The following SLC25A48 variants were observed in gnomAD, a reference collection of about 807,000 sequenced individuals.
The protein encoded by SLC25A48 is CTC-321K16.1.
Under a neutral mutation model 32.2 loss-of-function variants are expected in SLC25A48, and 29 were observed. The ratio of observed to expected loss-of-function variants is 0.90; its 90% CI spans 0.67 to 1.23. The LOEUF is 1.23. Ranked by LOEUF, SLC25A48 falls within the 50% of genes most tolerant of loss-of-function variation. The probability of loss-of-function intolerance (pLI) is 0.00; values close to 1 mark genes in which losing one functional copy is unlikely to be tolerated. For synonymous variants in SLC25A48, 164 were observed against 172.3 expected (o/e 0.95, Z 0.38); for missense variants, 399 against 422.7 (o/e 0.94, Z 0.49).
intron 6 of SLC25A48, among the ~76,000 whole-genome samples, chr5:135,877,832 G>C (rs931063915): frequency 6.6e-6 from 1 of 152,162 alleles, no homozygotes; most frequent in Non-Finnish European, 1.5e-5. Context: ...GGTGGCCATG[G>C]GGACACTGCC....
At chr5:135,607,398 C>T (rs887025117) in intron 1 of SLC25A48, among the ~76,000 whole-genome samples, 9 of 152,188 alleles carry the variant, frequency 5.9e-5, no homozygotes, top group Non-Finnish European at 1.0e-4. Context: ...TCCATGTGTG[C>T]ACGCATTCAT....
chr5:135,612,016 C>G (rs1752083289), intron 1 of SLC25A48, among the ~76,000 whole-genome samples: 1 of 152,202 alleles, frequency 6.6e-6, no homozygotes, highest in Non-Finnish European at 1.5e-5. Context: ...GGTGCCCAGG[C>G]AACATGAACG....
At chr5:135,868,162 C>CA (rs974969252) in intron 4 of SLC25A48, among the ~76,000 whole-genome samples, 6 of 151,892 alleles carry the variant, frequency 4.0e-5, no homozygotes, top group African/African-American at 1.5e-4. Context: ...GACAAACTGA[C>CA]AAAAAACAAA....
At position 135,724,507 on chromosome 5, in the gene SLC25A48, A is replaced by G. The variant is rs556912174; in HGVS notation, c.-520-88016A>G. Among the ~76,000 whole-genome samples, 20 of 152,338 alleles carry G rather than the reference A, an allele frequency of 1.3e-4. No homozygotes were observed. In the South Asian group the frequency reaches 3.5e-3, roughly 27 times the overall value. On this transcript the variant is annotated intron_variant, in intron 3 of 10. Coordinates refer to the SLC25A48 transcript ENST00000646290. Reference sequence around the variant, plus strand: ...GCTAAGCCCAAGGTGCCTTCCCCACAGTGCGTCTCTCTTTGGGTAGAAAAG... The same window carrying G: ...GCTAAGCCCAAGGTGCCTTCCCCACGGTGCGTCTCTCTTTGGGTAGAAAAG...
upstream of SLC25A48, among the ~76,000 whole-genome samples, chr5:135,834,434 C>T (rs12522445): frequency 0.19 from 28,865 of 152,234 alleles, 2,904 homozygotes; most frequent in Middle Eastern, 0.25. Context: ...CAGGGAGATA[C>T]GCGCATTGCC....
intron 3 of SLC25A48, among the ~76,000 whole-genome samples, chr5:135,811,892 G>A (rs1757596609): frequency 6.6e-6 from 1 of 152,110 alleles, no homozygotes; most frequent in Non-Finnish European, 1.5e-5. Context: ...GACCAGCCTG[G>A]CCAACATGGT....
intron 1 of SLC25A48, among the ~76,000 whole-genome samples, chr5:135,615,135 T>C (rs1272709853): frequency 6.6e-6 from 1 of 152,204 alleles, no homozygotes; most frequent in Non-Finnish European, 1.5e-5. Flanking sequence ...TATAGAAAAT[T>C]GGTACTGAGA....
At chr5:135,716,818 C>T (rs974094360) in intron 3 of SLC25A48, among the ~76,000 whole-genome samples, 44 of 152,222 alleles carry the variant, frequency 2.9e-4, no homozygotes, top group Admixed American at 2.9e-3. Context: ...CCACTCATCC[C>T]CAGCTCCGGC....
intron 3 of SLC25A48, among the ~76,000 whole-genome samples, chr5:135,756,112 T>G (rs7727618): frequency 0.41 from 61,524 of 151,820 alleles, 14,319 homozygotes; most frequent in Non-Finnish European, 0.52. Context: ...CACTATGGTA[T>G]TAATGAAATA....
At chr5:135,684,041 T>C (rs1561789389) in intron 3 of SLC25A48, among the ~76,000 whole-genome samples, 2 of 152,236 alleles carry the variant, frequency 1.3e-5, no homozygotes, top group African/African-American at 4.8e-5. Flanking sequence ...TCGGTTTTCT[T>C]GAACATCTTC....
At chr5:135,791,717 T>A (rs1757035560) in intron 3 of SLC25A48, among the ~76,000 whole-genome samples, 1 of 151,634 alleles carries the variant, frequency 6.6e-6, no homozygotes, top group Non-Finnish European at 1.5e-5. Context: ...CACTGTGATA[T>A]TATTGGTAAC....
chr5:135,744,333 A>G (rs1755584236), intron 3 of SLC25A48, among the ~76,000 whole-genome samples: 1 of 150,618 alleles, frequency 6.6e-6, no homozygotes, highest in African/African-American at 2.4e-5. Flanking sequence ...TGGATTGACA[A>G]GGTAACTATT....
Position 135,626,627 on chromosome 5 carries a change from T to G in SLC25A48, c.-848-2610T>G, listed in dbSNP as rs1037043817. The stretch of plus-strand genomic sequence containing the variant: ...GCAAAGCAGGCTTCCTAATTCCTCT[T>G]TAATGTGGACAAACCACTTCGGTGC... On this transcript the variant is annotated intron_variant, in intron 1 of 10. Transcript: ENST00000646290. Among the ~76,000 whole-genome samples the G allele has an allele frequency of 8.5e-5, 13 of 152,200 alleles. 1 individual carries two copies. The highest frequency in any genetic ancestry group is 3.1e-4 in the African/African-American group (13 of 41,448).
chr5:135,833,858 A>G (rs1758305418), upstream of SLC25A48, among the ~76,000 whole-genome samples: 1 of 152,146 alleles, frequency 6.6e-6, no homozygotes, highest in African/African-American at 2.4e-5. Context: ...GTCGCTTCAT[A>G]TTAACCTGGA....
chr5:135,800,592 G>A (rs950813553), intron 3 of SLC25A48, among the ~76,000 whole-genome samples: 6 of 151,860 alleles, frequency 4.0e-5, no homozygotes, highest in African/African-American at 1.5e-4. Flanking sequence ...CAATATCGCA[G>A]TGGCTGTACA....
At chr5:135,669,285 TG>T (rs1753597686) in intron 3 of SLC25A48, among the ~76,000 whole-genome samples, 1 of 152,150 alleles carries the variant, frequency 6.6e-6, no homozygotes, top group Non-Finnish European at 1.5e-5. Flanking sequence ...TTACAGGAGA[TG>T]CTCTGGGGCC....
chr5:135,653,885 C>A, intron 3 of SLC25A48: 1 of 456,294 alleles, frequency 2.2e-6, no homozygotes, highest in Non-Finnish European at 4.4e-6. Context: ...CCAGACACAG[C>A]CACAGGGCAA....
intron 3 of SLC25A48, among the ~76,000 whole-genome samples, chr5:135,706,122 G>A (rs986718287): frequency 3.9e-5 from 6 of 152,132 alleles, no homozygotes; most frequent in Non-Finnish European, 7.3e-5. Flanking sequence ...GCCCCACTGC[G>A]CCCTTTACAC....
At chr5:135,872,032 G>A in intron 5 of SLC25A48, 3 of 1,269,058 alleles carry the variant, frequency 2.4e-6, no homozygotes, top group Non-Finnish European at 3.0e-6. Context: ...TTTATTAAAT[G>A]CAATCTTTGT....
Sources: gnomAD v4.1 joint callset for allele counts (sites outside exome capture counted in the v4.1 genomes callset) on GRCh38, gnomAD v4.1.1 for gene constraint, MANE v1.5 for transcripts, NCBI Gene and HGNC (gene_info 2026-07-23, HGNC 2026-07-21) for gene names.